XRCC1: variants seen among roughly 807,000 people sequenced by gnomAD.
XRCC1 encodes X-ray repair cross complementing 1.
In XRCC1, 52 loss-of-function variants were observed where a neutral mutation model predicts 83.3. The ratio of observed to expected loss-of-function variants is 0.62; its 90% CI spans 0.50 to 0.79. The LOEUF is 0.79. Ranked by LOEUF, XRCC1 falls within the 30% of genes least tolerant of loss-of-function variation. XRCC1 has a pLI of 0.00. For synonymous variants in XRCC1, 281 were observed against 312.6 expected (o/e 0.90, Z 1.07); for missense variants, 793 against 823.5 (o/e 0.96, Z 0.45).
At position 43,574,927 on chromosome 19, in the gene XRCC1, T is replaced by TG; in HGVS notation, c.126dup (p.Ile43HisfsTer21). The TG allele has an allele frequency of 6.2e-7, 1 of 1,614,016 alleles. No homozygotes were observed. On this transcript the variant is annotated frameshift_variant, in exon 2 of 17. Coordinates refer to ENST00000262887, the MANE Select transcript of XRCC1 (RefSeq NM_006297.3). LOFTEE classifies it high-confidence loss of function. ...AGGATCACCTGTAGGACCACAGAGA[T>TG]GGTCTTCTCGCCTGCCTTGGCTGCC...
chr19:43,550,039 G>A (rs1260723844), intron 10 of XRCC1, among the ~76,000 whole-genome samples: 4 of 151,914 alleles, frequency 2.6e-5, no homozygotes, highest in Admixed American at 2.6e-4. Flanking sequence ...GCCTCCCCTT[G>A]ACACTTCATC....
chr19:43,565,958 GGGCACAGT>G (rs1972748099), intron 2 of XRCC1, among the ~76,000 whole-genome samples: 1 of 150,500 alleles, frequency 6.6e-6, no homozygotes, highest in Non-Finnish European at 1.5e-5. Context: ...ACAACAGGCT[GGGCACAGT>G]GGCTCACACC....
intron 3 of XRCC1, among the ~76,000 whole-genome samples, chr19:43,558,719 A>G (rs1972664916): frequency 1.3e-5 from 2 of 152,112 alleles, no homozygotes; most frequent in Admixed American, 6.5e-5. Context: ...TGGCATAAAG[A>G]AAACTATACA....
chr19:43,570,591 C>T (rs1972797763), intron 2 of XRCC1, among the ~76,000 whole-genome samples: 1 of 152,180 alleles, frequency 6.6e-6, no homozygotes, highest in African/African-American at 2.4e-5. Context: ...CGAGACCAGG[C>T]TGGGCAACAT....
Position 43,570,967 on chromosome 19 carries a change from A to C in XRCC1, c.144+3943T>G, listed in dbSNP as rs564073214. Among the ~76,000 whole-genome samples, 3 of 152,336 alleles carry C rather than the reference A, an allele frequency of 2.0e-5. No individual in the cohort carries two copies. The South Asian group carries it at 6.2e-4, about 32-fold the overall frequency. Reference sequence around the variant, plus strand: ...GGTCTCTGACGTGGAGTAAGTTAACAAAACAACTGCTGCAATGCTGATCTC... The same window carrying C: ...GGTCTCTGACGTGGAGTAAGTTAACCAAACAACTGCTGCAATGCTGATCTC... On this transcript the variant is annotated intron_variant, in intron 2 of 16. Coordinates refer to ENST00000262887, the MANE Select transcript of XRCC1 (RefSeq NM_006297.3).
At chr19:43,574,598 G>C (rs1420520653) in intron 2 of XRCC1, 2 of 315,072 alleles carry the variant, frequency 6.3e-6, no homozygotes, top group Non-Finnish European at 6.2e-6. Flanking sequence ...CCAGCCCTGA[G>C]CCCACTGGCT....
intron 3 of XRCC1, among the ~76,000 whole-genome samples, chr19:43,556,757 A>C (rs962365751): frequency 4.6e-5 from 7 of 152,008 alleles, no homozygotes; most frequent in African/African-American, 1.7e-4. Context: ...GTGAGCTGAG[A>C]TCGCACCATT....
In XRCC1 at chr19:43,547,011, C is replaced by A. The variant is rs25482; in HGVS notation, c.1200-34G>T. On this transcript the variant is annotated intron_variant, in intron 10 of 16. Coordinates refer to ENST00000262887, the MANE Select transcript of XRCC1 (RefSeq NM_006297.3). Reference sequence around the variant, plus strand: ...CAAATCGGGCCTCAGACAAACAGGCCCAAGGGAAGTGGGGAGGGCGTTCAG... The same window carrying A: ...CAAATCGGGCCTCAGACAAACAGGCACAAGGGAAGTGGGGAGGGCGTTCAG... The A allele has an allele frequency of 8.9e-4, 1,435 of 1,606,212 alleles. 29 individuals are homozygous for A. In the East Asian group the frequency reaches 0.027, roughly 30 times the overall value.
chr19:43,552,295 G>A lies in XRCC1; in HGVS notation c.824-20C>T. On this transcript the variant is annotated intron_variant, in intron 8 of 16. Coordinates refer to ENST00000262887, the MANE Select transcript of XRCC1 (RefSeq NM_006297.3). Reference sequence around the variant, plus strand: ...CTGGCACTGGAGAAGACAAAGAGTAGATTAGGTTAGCACCACTGGGGGTCA... The same window carrying A: ...CTGGCACTGGAGAAGACAAAGAGTAAATTAGGTTAGCACCACTGGGGGTCA... 1 of 1,552,868 alleles carries A rather than the reference G, an allele frequency of 6.4e-7. No homozygotes were observed. Among genetic ancestry groups the A allele is most frequent in the Non-Finnish European group, 8.7e-7 (1 of 1,145,744 alleles).
intron 9 of XRCC1, among the ~76,000 whole-genome samples, 162 bp downstream of exon 9, chr19:43,551,855 A>C (rs1316034120): frequency 6.6e-6 from 1 of 152,200 alleles, no homozygotes; most frequent in Non-Finnish European, 1.5e-5. Flanking sequence ...AGATGCAAAA[A>C]TCAGAGAGAA....
rs1479658387 is a variant in XRCC1 at position 43,565,085 on chromosome 19, T to A, written c.145-4065A>T. On this transcript the variant is annotated intron_variant, in intron 2 of 16. Transcript: ENST00000262887. The stretch of plus-strand genomic sequence containing the variant: ...CTCTCTTGCCTCCCTCTTTCCCTTA[T>A]AAGGCCTCTGGGGGTTACGTGAGGC... Among the ~76,000 whole-genome samples, 4 of 152,138 alleles carry A rather than the reference T, an allele frequency of 2.6e-5. No individual in the cohort carries two copies. In the East Asian group the frequency reaches 7.7e-4, roughly 29 times the overall value.
At chr19:43,561,458 G>A (rs966103891) in intron 2 of XRCC1, among the ~76,000 whole-genome samples, 17 of 152,176 alleles carry the variant, frequency 1.1e-4, no homozygotes, top group African/African-American at 2.9e-4. Flanking sequence ...CTTGCTCACC[G>A]CTGGTTCCTG....
rs1351416332 is a variant in XRCC1 at position 43,548,765 on chromosome 19, TCAAAAAAAAAA to T, written c.1200-1799_1200-1789del. 2.3e-3 allele frequency among the ~76,000 whole-genome samples: 34 copies of T among 15,060 alleles called. No individual in the cohort carries two copies. In the East Asian group the frequency reaches 0.037, roughly 16 times the overall value. The allele number at this position is 15,060 out of a possible 152,430, so 9.9% of individuals were successfully genotyped here. On this transcript the variant is annotated intron_variant, in intron 10 of 16. Coordinates refer to ENST00000262887, the MANE Select transcript of XRCC1 (RefSeq NM_006297.3). Reference sequence around the variant, plus strand: ...CTCTGTGAGAAACACCCAAGAATGATCAAAAAAAAAAAAAAAAAAAACACAACAGTAGCAGG... The same window carrying T: ...CTCTGTGAGAAACACCCAAGAATGATAAAAAAAAAACACAACAGTAGCAGG...
At chr19:43,550,846 C>T (rs1043979219) in intron 10 of XRCC1, among the ~76,000 whole-genome samples, 1 of 152,196 alleles carries the variant, frequency 6.6e-6, no homozygotes, top group African/African-American at 2.4e-5. Context: ...GTGGGGCTTC[C>T]ACTGCACTGT....
intron 2 of XRCC1, among the ~76,000 whole-genome samples, chr19:43,566,113 G>A (rs1477004294): frequency 6.6e-6 from 1 of 151,538 alleles, no homozygotes; most frequent in Non-Finnish European, 1.5e-5. Flanking sequence ...GCGTGCACCT[G>A]TAATCCCAGC....
chr19:43,568,652 T>G (rs1281569396), intron 2 of XRCC1, among the ~76,000 whole-genome samples: 1 of 150,570 alleles, frequency 6.6e-6, no homozygotes, highest in Non-Finnish European at 1.5e-5. Flanking sequence ...ATGGAGGCGG[T>G]AGGTATATAT....
chr19:43,557,663 C>A (rs1322305800), intron 3 of XRCC1, among the ~76,000 whole-genome samples: 1 of 151,796 alleles, frequency 6.6e-6, no homozygotes, highest in African/African-American at 2.4e-5. Flanking sequence ...CATGGTGGCA[C>A]AGGCCTGTAA....
At chr19:43,566,896 AAG>A (rs1491504641) in intron 2 of XRCC1, among the ~76,000 whole-genome samples, 3 of 151,774 alleles carry the variant, frequency 2.0e-5, no homozygotes, top group African/African-American at 7.3e-5. Flanking sequence ...AAAAAAAAAA[AAG>A]GTTTATATAT....
chr19:43,561,445 G>A (rs1008038636), intron 2 of XRCC1, among the ~76,000 whole-genome samples: 2 of 152,182 alleles, frequency 1.3e-5, no homozygotes, highest in African/African-American at 2.4e-5. Flanking sequence ...GGCTTTGTCC[G>A]ATCTTGCTCA....
Sources: allele counts gnomAD v4.1 joint callset (sites outside exome capture counted in the v4.1 genomes callset), GRCh38; gene constraint gnomAD v4.1.1; transcripts MANE v1.5; gene names NCBI Gene and HGNC (gene_info 2026-07-23, HGNC 2026-07-21).